Variants in PDE4D observed in about 807,000 individuals in gnomAD.
PDE4D encodes phosphodiesterase 4D, also known as 3',5'-cyclic-AMP phosphodiesterase 4D.
In PDE4D, 24 loss-of-function variants were observed where a neutral mutation model predicts 87.4. That is an observed-to-expected ratio of 0.27 (90% CI 0.20 to 0.39). The LOEUF (loss-of-function observed/expected upper bound fraction) is 0.39, where lower values mean the gene tolerates loss of function less well. Ranked by LOEUF, PDE4D falls within the 10% of genes least tolerant of loss-of-function variation. The pLI, the probability that PDE4D is intolerant of heterozygous loss-of-function variation, is 1.00. For missense variants in PDE4D, 714 were observed against 1,041.0 expected, an observed-to-expected ratio of 0.69 and a Z score of 4.32; for synonymous variants, 384 against 383.2, an observed-to-expected ratio of 1.00 and a Z score of -0.02.
At chr5:59,710,747 T>C (rs549697165) in intron 1 of PDE4D, among the ~76,000 whole-genome samples, 93 of 152,168 alleles carry the variant, frequency 6.1e-4, no homozygotes, top group Non-Finnish European at 1.2e-3. Context: ...AAATTTCTCA[T>C]CAATATTTCT....
At chr5:60,245,315 C>A (rs937174082) in intron 1 of PDE4D, among the ~76,000 whole-genome samples, 21 of 151,944 alleles carry the variant, frequency 1.4e-4, no homozygotes, top group Admixed American at 8.5e-4. Flanking sequence ...GAAAATGGAA[C>A]CCTTGTATGC....
At chr5:58,977,458 T>TATCA (rs1327723207) in intron 11 of PDE4D, 113 bp from the exon 12 acceptor site, 3 of 845,976 alleles carry the variant, frequency 3.5e-6, no homozygotes, top group Non-Finnish European at 5.7e-6. Context: ...CTGCTGCCCT[T>TATCA]ATCATTACCT....
chr5:60,474,562 G>A (rs995052314), intron 1 of PDE4D, among the ~76,000 whole-genome samples: 1 of 152,060 alleles, frequency 6.6e-6, no homozygotes, highest in African/African-American at 2.4e-5. Flanking sequence ...TAAAAATGTG[G>A]TTTTCATCTT....
chr5:60,175,709 G>T (rs982616821), intron 2 of PDE4D, among the ~76,000 whole-genome samples: 2 of 152,008 alleles, frequency 1.3e-5, no homozygotes, highest in Non-Finnish European at 2.9e-5. Context: ...CTCAACACTT[G>T]TTAGGCTGTT....
intron 1 of PDE4D, among the ~76,000 whole-genome samples, chr5:59,571,129 AAG>A (rs1821775641): frequency 6.6e-6 from 1 of 152,188 alleles, no homozygotes. Flanking sequence ...ATGAGAATGA[AAG>A]AGATTCTTCT....
intron 2 of PDE4D, among the ~76,000 whole-genome samples, chr5:60,134,849 A>G (rs968338497): frequency 2.6e-5 from 4 of 152,220 alleles, no homozygotes; most frequent in African/African-American, 9.6e-5. Flanking sequence ...TGCAGAACCC[A>G]TGGGTACAGA....
intron 5 of PDE4D, among the ~76,000 whole-genome samples, chr5:59,115,264 T>C (rs1028677212): frequency 2.6e-5 from 4 of 152,218 alleles, no homozygotes; most frequent in African/African-American, 9.6e-5. Flanking sequence ...CCAAAAATTA[T>C]ACTCAGTTGT....
chr5:59,543,794 C>T lies in PDE4D; in HGVS notation c.456-327826G>A, dbSNP rs117143224. ...TTCCACGTCAGGCAAACTTTGCTCA[C>T]CCATCACTTCAAGTAAACAACTCTT... On this transcript the variant is annotated intron_variant, in intron 1 of 14. Transcript: ENST00000340635. Among the ~76,000 whole-genome samples the T allele has an allele frequency of 2.1e-4, 32 of 152,210 alleles. No individual in the cohort carries two copies. The East Asian group carries it at 6.0e-3, about 28-fold the overall frequency.
chr5:59,454,173 A>G (rs1053410019), intron 1 of PDE4D, among the ~76,000 whole-genome samples: 1 of 152,186 alleles, frequency 6.6e-6, no homozygotes, highest in African/African-American at 2.4e-5. Flanking sequence ...AAGATTTTTA[A>G]AAATATATTA....
intron 1 of PDE4D, among the ~76,000 whole-genome samples, chr5:59,626,001 T>A (rs921815220): frequency 6.6e-6 from 1 of 152,134 alleles, no homozygotes; most frequent in Admixed American, 6.5e-5. Context: ...GGCAGGAGAA[T>A]GGCATGAACC....
intron 5 of PDE4D, among the ~76,000 whole-genome samples, chr5:59,079,862 G>A (rs1018384443): frequency 6.9e-6 from 1 of 144,786 alleles, no homozygotes; most frequent in Non-Finnish European, 1.5e-5. Context: ...GAGGAGAGGA[G>A]AGGAGAGGAG....
intron 1 of PDE4D, among the ~76,000 whole-genome samples, chr5:60,355,227 C>G (rs1759520593): frequency 6.6e-6 from 1 of 152,186 alleles, no homozygotes; most frequent in African/African-American, 2.4e-5. Context: ...AGGAAGGTCA[C>G]TGTGACCTTT....
intron 6 of PDE4D, among the ~76,000 whole-genome samples, chr5:59,025,137 T>C (rs1304494031): frequency 1.3e-5 from 2 of 152,186 alleles, no homozygotes; most frequent in East Asian, 3.8e-4. Flanking sequence ...TGGGTTTCCT[T>C]GTAAATAATA....
intron 1 of PDE4D, among the ~76,000 whole-genome samples, chr5:59,659,117 T>G (rs765293973): frequency 3.3e-5 from 5 of 152,240 alleles, no homozygotes; most frequent in Non-Finnish European, 7.3e-5. Flanking sequence ...ATCCTTATAC[T>G]GGGAAGGGAT....
At chr5:59,367,673 C>G (rs1783283734) in intron 1 of PDE4D, among the ~76,000 whole-genome samples, 1 of 152,192 alleles carries the variant, frequency 6.6e-6, no homozygotes, top group Non-Finnish European at 1.5e-5. Flanking sequence ...TCATTTAACA[C>G]CTATGATGGT....
At chr5:59,559,174 G>T (rs189386704) in intron 1 of PDE4D, among the ~76,000 whole-genome samples, 2 of 152,060 alleles carry the variant, frequency 1.3e-5, no homozygotes, top group African/African-American at 2.4e-5. Flanking sequence ...TTCCTAACAT[G>T]GTACCTGTCC....
At chr5:59,181,948 G>C (rs1181975947) in intron 4 of PDE4D, among the ~76,000 whole-genome samples, 2 of 152,080 alleles carry the variant, frequency 1.3e-5, no homozygotes, top group South Asian at 2.1e-4. Flanking sequence ...TTTCTTAGCA[G>C]GGTGGGGGAA....
intron 1 of PDE4D, among the ~76,000 whole-genome samples, chr5:59,452,809 C>T (rs189209323): frequency 7.2e-5 from 11 of 152,298 alleles, no homozygotes; most frequent in Non-Finnish European, 1.3e-4. Context: ...GTCTTTACTC[C>T]TAAAGATTTT....
At chr5:59,541,740 T>C (rs560518437) in intron 1 of PDE4D, among the ~76,000 whole-genome samples, 2 of 152,374 alleles carry the variant, frequency 1.3e-5, no homozygotes, top group South Asian at 4.1e-4. Context: ...TTTGCAAGTC[T>C]ATCAACTTAT....
Sources: allele counts gnomAD v4.1 joint callset (sites outside exome capture counted in the v4.1 genomes callset), GRCh38; gene constraint gnomAD v4.1.1; transcripts MANE v1.5; gene names NCBI Gene and HGNC (gene_info 2026-07-23, HGNC 2026-07-21).